NTRK3: variants seen among roughly 807,000 people sequenced by gnomAD.
The protein encoded by NTRK3 is neurotrophic receptor tyrosine kinase 3, also known as NT-3 growth factor receptor.
A neutral mutation model predicts 91.7 loss-of-function variants in NTRK3; 24 were observed. The ratio of observed to expected loss-of-function variants is 0.26; its 90% CI spans 0.19 to 0.37. The LOEUF is 0.37. NTRK3 is among the 10% of genes least tolerant of loss of function. NTRK3 has a pLI of 1.00. For missense variants in NTRK3, 880 were observed against 1,068.9 expected (o/e 0.82, Z 2.46); for synonymous variants, 483 against 404.0 (o/e 1.20, Z -2.34).
intron 13 of NTRK3, among the ~76,000 whole-genome samples, chr15:88,073,768 T>G (rs28584910): frequency 6.6e-6 from 1 of 151,256 alleles, no homozygotes; most frequent in Admixed American, 6.6e-5. Context: ...GGGTCCAGAG[T>G]GCTGCAACAC....
At chr15:88,140,103 A>G (rs1232491156) in intron 6 of NTRK3, among the ~76,000 whole-genome samples, 1 of 152,210 alleles carries the variant, frequency 6.6e-6, no homozygotes, top group Admixed American at 6.5e-5. Flanking sequence ...TTTTACTGCC[A>G]CATCAGGAAA....
At chr15:88,173,681 T>A (rs1428118128) in intron 5 of NTRK3, among the ~76,000 whole-genome samples, 1 of 152,224 alleles carries the variant, frequency 6.6e-6, no homozygotes, top group Non-Finnish European at 1.5e-5. Flanking sequence ...TTCCCCTCCA[T>A]CTGCCCTTCA....
chr15:88,099,244 G>A (rs2049935923), intron 13 of NTRK3: 1 of 227,954 alleles, frequency 4.4e-6, no homozygotes, highest in African/African-American at 2.2e-5. Context: ...ACAGAACCAG[G>A]GAAAGCCGTC....
At chr15:87,912,929 A>ATAT (rs1555435273) in intron 17 of NTRK3, among the ~76,000 whole-genome samples, 576 of 14,668 alleles carry the variant, frequency 0.039, 2 homozygotes, top group Non-Finnish European at 0.046. Context: ...AAAGTAAAAA[A>ATAT]AAATATATAT....
rs115269452 is a variant in NTRK3, at chr15:88,182,775, G to A, written c.395+643C>T. ...CCCAAAGTTTATCAGCCCAGAACTCGGCTTAGAGAGGAAGCATCAACTCTT... is the reference window on the plus strand; with the variant it reads ...CCCAAAGTTTATCAGCCCAGAACTCAGCTTAGAGAGGAAGCATCAACTCTT... On this transcript the variant is annotated intron_variant, in intron 5 of 18. Coordinates refer to ENST00000394480, the Ensembl canonical transcript of NTRK3. Among the ~76,000 whole-genome samples, 351 of 152,246 alleles carry A rather than the reference G, an allele frequency of 2.3e-3. 3 individuals carry two copies. The highest frequency in any genetic ancestry group is 7.7e-3 in the African/African-American group (320 of 41,552).
chr15:88,211,912 C>T (rs1323157035), intron 3 of NTRK3, among the ~76,000 whole-genome samples: 2 of 152,176 alleles, frequency 1.3e-5, no homozygotes, highest in Non-Finnish European at 2.9e-5. Flanking sequence ...CTTTTCTAAT[C>T]AACTCTATAT....
intron 11 of NTRK3, 50 bp from the exon 12 acceptor site, chr15:88,127,276 G>C (rs756471162): frequency 6.6e-7 from 1 of 1,523,934 alleles, no homozygotes; most frequent in Non-Finnish European, 9.1e-7. Flanking sequence ...CCCGGCTGGG[G>C]AGGCTCAGCC....
intron 13 of NTRK3, among the ~76,000 whole-genome samples, chr15:88,079,481 T>A (rs949474731): frequency 6.6e-6 from 1 of 152,142 alleles, no homozygotes; most frequent in Non-Finnish European, 1.5e-5. Context: ...CCTGACAAAT[T>A]CTGTCTCCAG....
At chr15:88,104,587 G>C (rs1292621394) in intron 13 of NTRK3, among the ~76,000 whole-genome samples, 1 of 152,170 alleles carries the variant, frequency 6.6e-6, no homozygotes. Context: ...TATCAGCACT[G>C]AAGTTCAGTT....
chr15:88,104,573 C>T (rs1345245426), intron 13 of NTRK3, among the ~76,000 whole-genome samples: 2 of 152,170 alleles, frequency 1.3e-5, no homozygotes, highest in Non-Finnish European at 2.9e-5. Context: ...TGGCACTTCC[C>T]AGCTATCAGC....
intron 13 of NTRK3, among the ~76,000 whole-genome samples, chr15:88,093,948 G>A (rs1008025208): frequency 2.6e-5 from 4 of 152,144 alleles, no homozygotes; most frequent in African/African-American, 4.8e-5. Context: ...GGAAACTGAG[G>A]CTTGGGGAGG....
At chr15:87,986,555 G>A (rs2074812106) in intron 14 of NTRK3, among the ~76,000 whole-genome samples, 2 of 152,200 alleles carry the variant, frequency 1.3e-5, no homozygotes, top group South Asian at 4.1e-4. Flanking sequence ...TTCTGTGTAA[G>A]TTTAAGCTTT....
At chr15:88,105,932 A>T (rs2050658051) in intron 13 of NTRK3, among the ~76,000 whole-genome samples, 6 of 152,218 alleles carry the variant, frequency 3.9e-5, no homozygotes, top group Admixed American at 2.0e-4. Flanking sequence ...CACCCAAATC[A>T]AAAAGAAAGT....
intron 17 of NTRK3, among the ~76,000 whole-genome samples, chr15:87,921,568 T>C (rs958666181): frequency 6.6e-6 from 1 of 152,110 alleles, no homozygotes; most frequent in African/African-American, 2.4e-5. Context: ...ATGAATAGAC[T>C]TGTGATGGAC....
chr15:88,086,213 C>T (rs1290278174), intron 13 of NTRK3, among the ~76,000 whole-genome samples: 1 of 152,222 alleles, frequency 6.6e-6, no homozygotes, highest in African/African-American at 2.4e-5. Flanking sequence ...GCACATGACG[C>T]CTCCATTATT....
intron 4 of NTRK3, 105 bp from the exon 5 acceptor site, chr15:88,183,594 C>T: frequency 1.9e-6 from 2 of 1,049,938 alleles, no homozygotes; most frequent in Non-Finnish European, 3.0e-6. Context: ...CCTGCAGCCG[C>T]CCTGTGGATT....
intron 14 of NTRK3, among the ~76,000 whole-genome samples, chr15:87,941,472 TAC>T (rs10544243): frequency 0.23 from 34,270 of 148,530 alleles, 3,915 homozygotes; most frequent in South Asian, 0.25. Context: ...CACATACACA[TAC>T]ACACACACAC....
At chr15:88,216,288 G>A (rs551915415) in intron 3 of NTRK3, among the ~76,000 whole-genome samples, 31 of 152,290 alleles carry the variant, frequency 2.0e-4, no homozygotes, top group East Asian at 5.8e-4. Flanking sequence ...ACTGTCTCCC[G>A]AAATCAGATG....
intron 3 of NTRK3, among the ~76,000 whole-genome samples, chr15:88,218,799 C>T (rs560820066): frequency 1.3e-5 from 2 of 152,338 alleles, no homozygotes; most frequent in South Asian, 4.1e-4. Context: ...GCCCTGATGC[C>T]GCATTAACCC....
Sources: gnomAD v4.1 joint callset for allele counts (sites outside exome capture counted in the v4.1 genomes callset) on GRCh38, gnomAD v4.1.1 for gene constraint, MANE v1.5 for transcripts, NCBI Gene and HGNC (gene_info 2026-07-23, HGNC 2026-07-21) for gene names.